Variants in RPS6KA3 observed in about 807,000 individuals in gnomAD.
RPS6KA3 encodes the protein ribosomal protein S6 kinase alpha-3.
A neutral mutation model predicts 67.2 loss-of-function variants in RPS6KA3; 4 were observed. That is an observed-to-expected ratio of 0.06 (90% CI 0.03 to 0.14). RPS6KA3 has a LOEUF of 0.14. Among genes scored for constraint, RPS6KA3 ranks in the 10% least tolerant of loss-of-function variants. The pLI, the probability that RPS6KA3 is intolerant of heterozygous loss-of-function variation, is 1.00. For synonymous variants in RPS6KA3, 182 were observed against 183.7 expected, an observed-to-expected ratio of 0.99 and a Z score of 0.07; for missense variants, 204 against 559.0, an observed-to-expected ratio of 0.36 and a Z score of 6.40.
At chrX:20,157,969 T>C (rs1371626658) in intron 20 of RPS6KA3, among the ~76,000 whole-genome samples, 3 of 111,411 alleles carry the variant, frequency 2.7e-5, no homozygotes. Context: ...CGTGGACTTA[T>C]TTGATGGTAA....
At chrX:20,187,677 C>T in intron 9 of RPS6KA3, 151 bp downstream of exon 9, 1 of 559,622 alleles carries the variant, frequency 1.8e-6, no homozygotes, top group East Asian at 3.3e-5. Flanking sequence ...TTTCATAGTC[C>T]TTCTATACTG....
chrX:20,222,765 A>G (rs1186830965), intron 2 of RPS6KA3, among the ~76,000 whole-genome samples: 3 of 112,046 alleles, frequency 2.7e-5, no homozygotes, highest in Non-Finnish European at 5.6e-5. Flanking sequence ...TAATAACAGC[A>G]GCCAGAATAA....
At chrX:20,196,588 C>T (rs1166491854) in intron 4 of RPS6KA3, among the ~76,000 whole-genome samples, 3 of 111,536 alleles carry the variant, frequency 2.7e-5, no homozygotes, top group Admixed American at 9.5e-5. Flanking sequence ...AGAAATAAGA[C>T]CTCTGGGGAA....
rs147566276 is a variant in RPS6KA3 at position 20,156,172 on chromosome X, G to A, written c.2037C>T (p.Ile679=). ...ATTGTGGCAGTTGGTCCCAGTGGAC[G>A]ATCCAAGGATGTCTGAGCACAAGAG... is the stretch of plus-strand genomic sequence containing the variant. ...TAALVLRHPW[I]VHWDQLPQYQ... The change falls in exon 21 of 22, where the codon ATC becomes ATT. Residue 679 remains isoleucine (I), a synonymous_variant. Coordinates refer to ENST00000379565, the MANE Select transcript of RPS6KA3 (RefSeq NM_004586.3). The A allele has an allele frequency of 1.6e-5, 19 of 1,208,042 alleles. No homozygotes were observed. The African/African-American group carries it at 2.1e-4, about 13-fold the overall frequency.
intron 6 of RPS6KA3, among the ~76,000 whole-genome samples, chrX:20,193,958 G>GA (rs2068206045): frequency 8.9e-6 from 1 of 112,090 alleles, no homozygotes; most frequent in Admixed American, 9.5e-5. Context: ...ATTGCTTCTG[G>GA]AAAAAACTAT....
intron 2 of RPS6KA3, among the ~76,000 whole-genome samples, chrX:20,217,258 T>C (rs771990811): frequency 8.0e-5 from 9 of 112,068 alleles, no homozygotes; most frequent in Non-Finnish European, 1.7e-4. Flanking sequence ...GGGGAAAAAA[T>C]AATCTAATGT....
chrX:20,246,855 T>C (rs907017372), intron 1 of RPS6KA3, among the ~76,000 whole-genome samples: 1 of 112,159 alleles, frequency 8.9e-6, no homozygotes, highest in African/African-American at 3.2e-5. Context: ...AATCAGAACC[T>C]GTTTAACACA....
intron 13 of RPS6KA3, 82 bp downstream of exon 13, chrX:20,176,168 G>T: frequency 1.5e-6 from 1 of 672,329 alleles, no homozygotes; most frequent in Non-Finnish European, 2.4e-6. Context: ...ACCGCGCCCA[G>T]AGTCTGGAAA....
Position 20,234,928 on chromosome X carries a change from C to T in RPS6KA3, c.70-114G>A, listed in dbSNP as rs1399005096. ...GAGGAAGATTTTCACCCCTAAAGGG[C>T]TCTAATGAAGTAGAACCACCATATG... On this transcript the variant is annotated intron_variant, in intron 1 of 21. Transcript: ENST00000379565. 5 of 554,088 alleles carry T rather than the reference C, an allele frequency of 9.0e-6. No homozygotes were observed. The African/African-American group carries it at 1.1e-4, about 13-fold the overall frequency. The allele number at this position is 554,088 out of a possible 1,213,427, so 45.7% of individuals were successfully genotyped here. A position where few individuals can be genotyped will look rare whatever the true frequency, so the allele number is the denominator to read the frequency against.
At chrX:20,236,095 A>G (rs1463454528) in intron 1 of RPS6KA3, among the ~76,000 whole-genome samples, 2 of 111,368 alleles carry the variant, frequency 1.8e-5, no homozygotes, top group African/African-American at 3.3e-5. Context: ...TTCTAAATAA[A>G]TATATACATA....
At chrX:20,160,672 G>A (rs773104725) in intron 20 of RPS6KA3, among the ~76,000 whole-genome samples, 7 of 111,276 alleles carry the variant, frequency 6.3e-5, no homozygotes, top group Non-Finnish European at 1.3e-4. Context: ...CAAGTGATCC[G>A]CCCACCTCGG....
In RPS6KA3 at chrX:20,177,624, T is replaced by C. The variant is rs755002844; in HGVS notation, c.846-540A>G. ...CATTTGAATCCTAGTTCTGGCTCTG[T>C]TACTAAGAACTTTGTGACAGTGGGA... On this transcript the variant is annotated intron_variant, in intron 10 of 21. Coordinates refer to ENST00000379565, the MANE Select transcript of RPS6KA3 (RefSeq NM_004586.3). 2.7e-5 allele frequency among the ~76,000 whole-genome samples: 3 copies of C among 112,570 alleles called. No homozygotes were observed. In the South Asian group the frequency reaches 1.1e-3, roughly 41 times the overall value.
chrX:20,214,979 C>T (rs747868592), intron 2 of RPS6KA3, among the ~76,000 whole-genome samples: 4 of 109,284 alleles, frequency 3.7e-5, no homozygotes, highest in Admixed American at 2.9e-4. Flanking sequence ...GCTGGAACTA[C>T]GGGCATGTGC....
At chrX:20,163,087 T>C (rs1816554282) in intron 18 of RPS6KA3, 47 bp from the exon 19 acceptor site, 3 of 818,807 alleles carry the variant, frequency 3.7e-6, no homozygotes, top group Non-Finnish European at 3.7e-6. Flanking sequence ...ATTTTGTATA[T>C]ATATTTGTAA....
intron 2 of RPS6KA3, among the ~76,000 whole-genome samples, chrX:20,226,562 C>T (rs1297847286): frequency 8.9e-6 from 1 of 112,285 alleles, no homozygotes; most frequent in African/African-American, 3.2e-5. Context: ...TCTCAAAAAT[C>T]CTGTACCTAT....
chrX:20,209,852 T>C (rs2068666526), intron 2 of RPS6KA3, among the ~76,000 whole-genome samples: 1 of 112,224 alleles, frequency 8.9e-6, no homozygotes, highest in Non-Finnish European at 1.9e-5. Flanking sequence ...AAGTGTTTAT[T>C]GAGGAGAGGG....
intron 3 of RPS6KA3, among the ~76,000 whole-genome samples, chrX:20,205,019 C>A (rs1198735173): frequency 8.9e-6 from 1 of 112,363 alleles, no homozygotes; most frequent in East Asian, 2.8e-4. Context: ...CACCTCCCCA[C>A]CTTTTTATGG....
intron 2 of RPS6KA3, among the ~76,000 whole-genome samples, chrX:20,233,328 C>T (rs186081822): frequency 6.2e-4 from 69 of 111,171 alleles, no homozygotes; most frequent in African/African-American, 2.2e-3. Flanking sequence ...GGTTTCAGTA[C>T]ATCCTTTTCT....
At chrX:20,173,502 A>G (rs1240533548) in intron 14 of RPS6KA3, among the ~76,000 whole-genome samples, 1 of 112,211 alleles carries the variant, frequency 8.9e-6, no homozygotes, top group Non-Finnish European at 1.9e-5. Context: ...GGGACTAATA[A>G]CACACAGTAG....
Sources: gnomAD v4.1 joint callset for allele counts (sites outside exome capture counted in the v4.1 genomes callset) on GRCh38, gnomAD v4.1.1 for gene constraint, MANE v1.5 for transcripts, NCBI Gene and HGNC (gene_info 2026-07-23, HGNC 2026-07-21) for gene names.